Variants in FBXO28 observed in about 807,000 individuals in gnomAD.
The protein encoded by FBXO28 is F-box protein 28, also known as F-box only protein 28.
In FBXO28, 8 loss-of-function variants were observed where a neutral mutation model predicts 38.1. That is an observed-to-expected ratio of 0.21 (90% confidence interval 0.12 to 0.38). FBXO28 has a LOEUF of 0.38. Ranked by LOEUF, FBXO28 falls within the 10% of genes least tolerant of loss-of-function variation. FBXO28 has a pLI of 1.00. For synonymous variants in FBXO28, 168 were observed against 173.8 expected (o/e 0.97, Z 0.26); for missense variants, 345 against 460.6 (o/e 0.75, Z 2.30).
rs139725915 is a variant in FBXO28 at position 224,153,161 on chromosome 1, G to C, written c.536G>C (p.Arg179Pro). ...TTTTAGGTGATTGATGAGATTTATC[G>C]TGTGTTGAGATATGTCAATTCTACC... ...IPGKVIDEIY[R>P]VLRYVNSTRA... is the part of the protein sequence containing the mutation. Residue 179 changes from arginine (R) to proline (P), a missense_variant, in exon 4 of 5, where the codon CGT becomes CCT. Coordinates refer to ENST00000366862, the MANE Select transcript of FBXO28 (RefSeq NM_015176.4). 6.3e-7 allele frequency: 1 copy of C among 1,599,024 alleles called. No individual in the cohort carries two copies.
At position 224,159,800 on chromosome 1, in the gene FBXO28, A is replaced by G. The variant is rs1254778113; in HGVS notation, c.*2054A>G. On this transcript the variant is annotated 3_prime_UTR_variant, in exon 5 of 5. Transcript: ENST00000366862. ...GGATACAGCCCCAGACTGTTTCTTT[A>G]ATGGTCATTCATGAACTATTAAAAA... The G allele has an allele frequency of 6.6e-6, 1 of 152,124 alleles. No individual in the cohort carries two copies. The highest frequency in any genetic ancestry group is 2.4e-5 in the African/African-American group (1 of 41,422). 9.4% of individuals were successfully genotyped at this position (152,124 alleles called of 1,614,324 possible). A position where few individuals can be genotyped will look rare whatever the true frequency, so the allele number is the denominator to read the frequency against.
intron 1 of FBXO28, among the ~76,000 whole-genome samples, chr1:224,126,514 ATAACT>A (rs1003167524): frequency 2.2e-4 from 34 of 152,356 alleles, no homozygotes; most frequent in African/African-American, 5.8e-4. Flanking sequence ...TACTCATCTG[ATAACT>A]TAACATATCA....
In FBXO28 at chr1:224,114,169, G is replaced by A. The variant is rs927815780; in HGVS notation, c.40G>A (p.Gly14Ser). Residue 14 changes from glycine (G) to serine (S), a missense_variant, in exon 1 of 5, where the codon GGC becomes AGC. Gly to Ser is a moderately conservative substitution (Grantham distance 56). This residue lies in a region of FBXO28 where 104 missense variants were observed against 82.0 expected (regional missense o/e 1.27). Transcript: ENST00000366862. Reference protein sequence around the residue: ...AAEERMAEEGGGGQGDGGSSL... With the variant: ...AAEERMAEEGSGGQGDGGSSL... ...GGAGGAGCGGATGGCAGAGGAAGGA[G>A]GCGGCGGCCAAGGCGACGGCGGTTC... The A allele has an allele frequency of 1.9e-6, 3 of 1,546,810 alleles. No homozygotes were observed. In the East Asian group the frequency reaches 7.3e-5, roughly 38 times the overall value.
At chr1:224,127,164 TTGTGTGTGTGTGTGTGTGTATGTGTGTG>T (rs1214326974) in intron 1 of FBXO28, among the ~76,000 whole-genome samples, 4 of 88,556 alleles carry the variant, frequency 4.5e-5, no homozygotes, top group South Asian at 5.0e-4. Context: ...TGTAAAGTAT[TTGTGTGTGTGTGTGTGTGTATGTGTGTG>T]TGTGTGTGTG....
At position 224,157,668 on chromosome 1, in the gene FBXO28, G is replaced by A; in HGVS notation, c.1029G>A (p.Glu343=). Residue 343 remains glutamate (E), a synonymous_variant, in exon 5 of 5, where the codon GAG becomes GAA. Transcript: ENST00000366862. The part of the protein sequence containing the change: ...GNSSGSGQNE[E]SPRKRKKATE... ...CCTCAGGGTCCGGGCAGAATGAGGA[G>A]TCTCCTCGGAAACGAAAAAAGGCCA... 1 of 1,614,202 alleles carries A rather than the reference G, an allele frequency of 6.2e-7. No individual in the cohort carries two copies. The highest frequency in any genetic ancestry group is 8.5e-7 in the Non-Finnish European group (1 of 1,180,036).
intron 1 of FBXO28, among the ~76,000 whole-genome samples, chr1:224,122,684 T>A (rs1475368575): frequency 4.6e-5 from 7 of 152,148 alleles, no homozygotes; most frequent in Non-Finnish European, 1.0e-4. Flanking sequence ...CTTGTAATGG[T>A]TCTGTAATTC....
intron 1 of FBXO28, among the ~76,000 whole-genome samples, chr1:224,120,830 G>A (rs1184170256): frequency 6.9e-6 from 1 of 144,114 alleles, no homozygotes; most frequent in Non-Finnish European, 1.5e-5. Context: ...GCCATTGCAC[G>A]CCAGCCTGGG....
chr1:224,134,315 C>A, intron 3 of FBXO28, 103 bp downstream of exon 3: 4 of 1,093,174 alleles, frequency 3.7e-6, no homozygotes, highest in Non-Finnish European at 5.3e-6. Flanking sequence ...GTTTCTACTT[C>A]TCTGAGTTTC....
At position 224,153,183 on chromosome 1, in the gene FBXO28, T is replaced by C. The variant is rs1156384852; in HGVS notation, c.558T>C (p.Ser186=). ...EIYRVLRYVN[S]TRAPQRAHEV... ...ATCGTGTGTTGAGATATGTCAATTC[T>C]ACCAGAGCCCCTCAACGAGCTCATG... The change falls in exon 4 of 5, where the codon TCT becomes TCC. Residue 186 remains serine, a synonymous_variant. Transcript: ENST00000366862. 17 of 1,609,276 alleles carry C rather than the reference T, an allele frequency of 1.1e-5. No homozygotes were observed. Among genetic ancestry groups the C allele is most frequent in the Non-Finnish European group, 1.4e-5 (17 of 1,178,548 alleles).
chr1:224,134,779 T>C (rs1014429225), intron 3 of FBXO28, among the ~76,000 whole-genome samples: 3 of 152,228 alleles, frequency 2.0e-5, no homozygotes, highest in African/African-American at 4.8e-5. Flanking sequence ...ATACTACTTA[T>C]ACCTTCAGTA....
intron 3 of FBXO28, among the ~76,000 whole-genome samples, chr1:224,135,672 CAGA>C (rs1473927752): frequency 6.7e-6 from 1 of 148,158 alleles, no homozygotes; most frequent in African/African-American, 2.5e-5. Flanking sequence ...CTGGCCTGTA[CAGA>C]AGAAGTCACC....
chr1:224,157,798 A>G lies in FBXO28; in HGVS notation c.*52A>G. On this transcript the variant is annotated 3_prime_UTR_variant, in exon 5 of 5. Transcript: ENST00000366862. ...GAAGACACAGCTTAGTAGCTTAAGC[A>G]GTTATGCATATCAGGATACTGTGAG... The G allele has an allele frequency of 1.3e-6, 2 of 1,538,692 alleles. No homozygotes were observed. Among genetic ancestry groups the G allele is most frequent in the Non-Finnish European group, 1.7e-6 (2 of 1,148,276 alleles).
chr1:224,118,346 C>T (rs1185409469), intron 1 of FBXO28, among the ~76,000 whole-genome samples: 1 of 152,108 alleles, frequency 6.6e-6, no homozygotes, highest in African/African-American at 2.4e-5. Context: ...TATAATTTTA[C>T]CTGCCCTACA....
chr1:224,159,482 A>G lies in FBXO28; in HGVS notation c.*1736A>G, dbSNP rs1212455677. Reference sequence around the variant, plus strand: ...GTTTTCAATGAAAAACCATAAAGTAACATCCAAGTGTTTCATGGTTTGTTG... The same window carrying G: ...GTTTTCAATGAAAAACCATAAAGTAGCATCCAAGTGTTTCATGGTTTGTTG... On this transcript the variant is annotated 3_prime_UTR_variant, in exon 5 of 5. Transcript: ENST00000366862. 6.5e-6 allele frequency: 1 copy of G among 152,676 alleles called. No individual in the cohort carries two copies. The highest frequency in any genetic ancestry group is 2.4e-5 in the African/African-American group (1 of 41,470). The allele number at this position is 152,676 out of a possible 1,614,324, so 9.5% of individuals were successfully genotyped here.
intron 1 of FBXO28, among the ~76,000 whole-genome samples, chr1:224,119,135 C>CTTT (rs67458349): frequency 0.46 from 50,524 of 109,208 alleles, 13,560 homozygotes; most frequent in South Asian, 0.58. Flanking sequence ...TCTTTTTTTT[C>CTTT]TTTTTTTTTT....
At chr1:224,156,757 C>T (rs569479465) in intron 4 of FBXO28, among the ~76,000 whole-genome samples, 81 of 152,192 alleles carry the variant, frequency 5.3e-4, no homozygotes, top group Admixed American at 2.4e-3. Context: ...CCCAGCACTT[C>T]GGGAGGCCGA....
At position 224,157,706 on chromosome 1, in the gene FBXO28, A is replaced by G; in HGVS notation, c.1067A>G (p.Asp356Gly). The change falls in exon 5 of 5, where the codon GAC becomes GGC. Residue 356 changes from aspartate to glycine, a missense_variant. Coordinates refer to ENST00000366862, the MANE Select transcript of FBXO28 (RefSeq NM_015176.4). ...CGAAAAAAGGCCACGGAAGCCATAG[A>G]CTCTCTTAGGAAATCTAAACGTCTT... Reference protein sequence around the residue: ...RKRKKATEAIDSLRKSKRLRN... With the variant: ...RKRKKATEAIGSLRKSKRLRN... The G allele has an allele frequency of 1.2e-6, 2 of 1,612,922 alleles. No homozygotes were observed. Among genetic ancestry groups the G allele is most frequent in the Non-Finnish European group, 1.7e-6 (2 of 1,179,740 alleles).
intron 2 of FBXO28, among the ~76,000 whole-genome samples, chr1:224,132,208 C>T (rs1042069259): frequency 2.6e-5 from 4 of 151,878 alleles, no homozygotes; most frequent in Admixed American, 6.6e-5. Flanking sequence ...GCCAAGATCG[C>T]GCCACAGCAC....
intron 3 of FBXO28, among the ~76,000 whole-genome samples, chr1:224,139,922 G>A (rs545960587): frequency 1.4e-4 from 21 of 151,750 alleles, no homozygotes; most frequent in South Asian, 4.2e-4. Context: ...TAAGACCCCC[G>A]TCTCTAAAAA....
Sources: allele counts gnomAD v4.1 joint callset (sites outside exome capture counted in the v4.1 genomes callset), GRCh38; gene constraint gnomAD v4.1.1; regional missense constraint gnomAD v4.1.1; transcripts MANE v1.5; gene names NCBI Gene and HGNC (gene_info 2026-07-23, HGNC 2026-07-21).